Variants in GALNT13 observed in about 807,000 individuals in gnomAD.
The protein encoded by GALNT13 is polypeptide N-acetylgalactosaminyltransferase 13, also known as UDP-GalNAc:polypeptide N-acetylgalactosaminyltransferase 13.
In GALNT13, 28 loss-of-function variants were observed where a neutral mutation model predicts 64.2. The observed-to-expected ratio is 0.44, with a 90% CI of 0.32 to 0.60. GALNT13 has a LOEUF of 0.60. Ranked by LOEUF, GALNT13 falls within the 20% of genes least tolerant of loss-of-function variation. GALNT13 has a pLI of 0.05. For synonymous variants in GALNT13, 214 were observed against 224.6 expected (o/e 0.95, Z 0.42); for missense variants, 577 against 669.8 (o/e 0.86, Z 1.53).
chr2:153,634,188 T>A, the GALNT13 span, among the ~76,000 whole-genome samples: 1 of 151,904 alleles, frequency 6.6e-6, no homozygotes. Context: ...TAATTTTAAG[T>A]TTTATGATTT....
At chr2:153,993,010 A>G (rs1323300743) in intron 3 of GALNT13, among the ~76,000 whole-genome samples, 1 of 152,178 alleles carries the variant, frequency 6.6e-6, no homozygotes, top group Admixed American at 6.5e-5. Context: ...ATTAGACATG[A>G]TAGACTCTGG....
Position 154,181,817 on chromosome 2 carries a change from G to A in GALNT13, c.311+41312G>A, listed in dbSNP as rs376814810. ...ACATAAATAATATTTCACCATTTTCGTCAGTTCCTTAGTATCTAAGCTAAT... is the reference window on the plus strand; with the variant it reads ...ACATAAATAATATTTCACCATTTTCATCAGTTCCTTAGTATCTAAGCTAAT... On this transcript the variant is annotated intron_variant, in intron 4 of 12. Coordinates refer to ENST00000392825, the MANE Select transcript of GALNT13 (RefSeq NM_052917.4). Among the ~76,000 whole-genome samples, 76 of 151,664 alleles carry A rather than the reference G, an allele frequency of 5.0e-4. 1 individual carries two copies. In the East Asian group the frequency reaches 7.6e-3, roughly 15 times the overall value.
At chr2:154,395,553 T>G (rs1699016636) in intron 9 of GALNT13, among the ~76,000 whole-genome samples, 1 of 152,148 alleles carries the variant, frequency 6.6e-6, no homozygotes. Flanking sequence ...TGAATTATTC[T>G]ATATAAATTT....
At chr2:153,092,765 A>G in the GALNT13 span, among the ~76,000 whole-genome samples, 1 of 152,188 alleles carries the variant, frequency 6.6e-6, no homozygotes, top group East Asian at 1.9e-4. Context: ...ATATAAGATC[A>G]TATCATCTGC....
At chr2:153,607,394 A>G in the GALNT13 span, among the ~76,000 whole-genome samples, 1 of 152,092 alleles carries the variant, frequency 6.6e-6, no homozygotes. Flanking sequence ...TGATATATGT[A>G]GTCTTGTTTT....
At chr2:153,628,874 G>C in the GALNT13 span, among the ~76,000 whole-genome samples, 11,686 of 152,204 alleles carry the variant, frequency 0.077, 535 homozygotes, top group Non-Finnish European at 0.11. Flanking sequence ...ATGAGTTAGG[G>C]AGGATTCCTT....
chr2:153,248,348 A>G, the GALNT13 span, among the ~76,000 whole-genome samples: 1 of 152,210 alleles, frequency 6.6e-6, no homozygotes, highest in Non-Finnish European at 1.5e-5. Context: ...GCAGCACATC[A>G]CAAAGCTTAT....
intron 3 of GALNT13, among the ~76,000 whole-genome samples, chr2:154,103,253 T>A (rs925931099): frequency 6.6e-6 from 1 of 152,204 alleles, no homozygotes; most frequent in Non-Finnish European, 1.5e-5. Flanking sequence ...CTTCAAGTTC[T>A]TAAATTATTT....
In GALNT13 at chr2:154,383,829, T is replaced by C. The variant is rs1698386578; in HGVS notation, c.1157-12162T>C. On this transcript the variant is annotated intron_variant, in intron 9 of 12. Transcript: ENST00000392825. ...TATATCTGAATAAGTCCAAATCACTTTTTAGTAAGTGTAGGTAGTAATTCT... is the reference window on the plus strand; with the variant it reads ...TATATCTGAATAAGTCCAAATCACTCTTTAGTAAGTGTAGGTAGTAATTCT... 2.0e-5 allele frequency among the ~76,000 whole-genome samples: 3 copies of C among 151,782 alleles called. No homozygotes were observed. The Admixed American group carries it at 2.0e-4, about 10-fold the overall frequency.
chr2:154,283,077 C>T (rs1692051980), intron 8 of GALNT13, among the ~76,000 whole-genome samples: 1 of 152,076 alleles, frequency 6.6e-6, no homozygotes, highest in Admixed American at 6.6e-5. Context: ...TTGTGCATGC[C>T]AGTTTATCAA....
chr2:153,698,837 G>A, the GALNT13 span, among the ~76,000 whole-genome samples: 2 of 152,234 alleles, frequency 1.3e-5, no homozygotes, highest in Non-Finnish European at 2.9e-5. Flanking sequence ...ATAATTGGAA[G>A]TAAAACATTC....
At chr2:154,016,621 T>C (rs1455341365) in intron 3 of GALNT13, among the ~76,000 whole-genome samples, 1 of 152,040 alleles carries the variant, frequency 6.6e-6, no homozygotes, top group African/African-American at 2.4e-5. Context: ...TTTCACCATA[T>C]TGGCCAGGCT....
chr2:153,214,428 A>G, the GALNT13 span, among the ~76,000 whole-genome samples: 2 of 152,310 alleles, frequency 1.3e-5, no homozygotes, highest in Non-Finnish European at 2.9e-5. Flanking sequence ...ATAAGAAGCT[A>G]GATATCCCAT....
At chr2:153,207,888 G>C in the GALNT13 span, among the ~76,000 whole-genome samples, 2 of 152,122 alleles carry the variant, frequency 1.3e-5, no homozygotes, top group African/African-American at 4.8e-5. Context: ...GCAGAATGTA[G>C]TTAGCAGAAG....
the GALNT13 span, among the ~76,000 whole-genome samples, chr2:153,675,236 C>T: frequency 1.1e-4 from 17 of 152,326 alleles, no homozygotes; most frequent in Non-Finnish European, 2.2e-4. Context: ...ACTATAAAAA[C>T]ACATGCACAC....
At chr2:154,080,121 G>A (rs1374805281) in intron 3 of GALNT13, among the ~76,000 whole-genome samples, 1 of 151,620 alleles carries the variant, frequency 6.6e-6, no homozygotes, top group Non-Finnish European at 1.5e-5. Context: ...ACGTGCGTGT[G>A]TTATTTCAAC....
intron 8 of GALNT13, among the ~76,000 whole-genome samples, chr2:154,293,218 G>A (rs1692739886): frequency 1.3e-5 from 2 of 152,154 alleles, no homozygotes; most frequent in Non-Finnish European, 2.9e-5. Flanking sequence ...TCATGTGAAT[G>A]AGACATCATG....
At chr2:153,119,010 A>G in the GALNT13 span, among the ~76,000 whole-genome samples, 1 of 152,052 alleles carries the variant, frequency 6.6e-6, no homozygotes, top group African/African-American at 2.4e-5. Flanking sequence ...AGTTCTCATG[A>G]AGTCTTATAG....
the GALNT13 span, among the ~76,000 whole-genome samples, chr2:153,290,610 C>T: frequency 0.27 from 40,414 of 152,030 alleles, 5,494 homozygotes; most frequent in South Asian, 0.29. Context: ...TGCATTTCTA[C>T]AACTTTAAGT....
Sources: gnomAD v4.1 joint callset for allele counts (sites outside exome capture counted in the v4.1 genomes callset) on GRCh38, gnomAD v4.1.1 for gene constraint, MANE v1.5 for transcripts, NCBI Gene and HGNC (gene_info 2026-07-23, HGNC 2026-07-21) for gene names.